SMPDL3A: variants seen among roughly 807,000 people sequenced by gnomAD.
The protein encoded by SMPDL3A is cyclic GMP-AMP phosphodiesterase SMPDL3A.
In SMPDL3A, 39 loss-of-function variants were observed where a neutral mutation model predicts 38.5. The observed-to-expected ratio is 1.01, with a 90% confidence interval of 0.78 to 1.32. The LOEUF is 1.32. Among genes scored for constraint, SMPDL3A ranks in the 40% most tolerant of loss-of-function variants. The probability of loss-of-function intolerance (pLI) is 0.00; values close to 1 mark genes in which losing one functional copy is unlikely to be tolerated. For missense variants in SMPDL3A, 502 were observed against 536.2 expected (o/e 0.94, Z 0.63); for synonymous variants, 180 against 194.3 (o/e 0.93, Z 0.61).
intron 2 of SMPDL3A, among the ~76,000 whole-genome samples, chr6:122,796,141 T>G (rs1375611176): frequency 1.3e-5 from 2 of 152,164 alleles, no homozygotes; most frequent in Non-Finnish European, 2.9e-5. Flanking sequence ...CACACTTGCA[T>G]CAATATCTTG....
At chr6:122,801,448 T>A in intron 4 of SMPDL3A, 42 bp downstream of exon 4, 1 of 1,343,848 alleles carries the variant, frequency 7.4e-7, no homozygotes. Context: ...CCTCAATTTT[T>A]ATTCATGTTA....
intron 3 of SMPDL3A, among the ~76,000 whole-genome samples, chr6:122,800,725 C>G (rs892173143): frequency 5.7e-5 from 3 of 52,338 alleles, no homozygotes; most frequent in African/African-American, 1.3e-4. Context: ...ATTCCCTGGG[C>G]TACACCTTTT....
chr6:122,799,961 C>CT (rs112956534), intron 3 of SMPDL3A, among the ~76,000 whole-genome samples: 4,712 of 124,510 alleles, frequency 0.038, 130 homozygotes, highest in Non-Finnish European at 0.047. Flanking sequence ...TCAGTATTTA[C>CT]TTTTTTTTTT....
intron 2 of SMPDL3A, 146 bp downstream of exon 2, chr6:122,796,036 T>C: frequency 1.5e-6 from 1 of 646,078 alleles, no homozygotes; most frequent in Non-Finnish European, 2.6e-6. Context: ...CTAATCAACA[T>C]TATTAGAGGT....
In SMPDL3A at chr6:122,806,439, G is replaced by C. The variant is rs1248147765; in HGVS notation, c.1044+82G>C. 3.6e-6 allele frequency: 5 copies of C among 1,385,486 alleles called. No homozygotes were observed. In the African/African-American group the frequency reaches 7.2e-5, roughly 20 times the overall value. The allele number at this position is 1,385,486 out of a possible 1,614,324, so 85.8% of individuals were successfully genotyped here. On this transcript the variant is annotated intron_variant, in intron 7 of 7. Transcript: ENST00000368440. ...ATTAATTTAGTTGAATTTTTCTCAG[G>C]ACAGTCATGTGAGATGTATTTTATG...
At chr6:122,806,416 T>C in intron 7 of SMPDL3A, 59 bp downstream of exon 7, 1 of 1,517,440 alleles carries the variant, frequency 6.6e-7, no homozygotes. Flanking sequence ...CAGTTTTCAT[T>C]AATTTAGTTG....
At chr6:122,790,609 C>T (rs1781047498) in intron 1 of SMPDL3A, among the ~76,000 whole-genome samples, 1 of 152,208 alleles carries the variant, frequency 6.6e-6, no homozygotes, top group South Asian at 2.1e-4. Flanking sequence ...CCTCACGACT[C>T]AGCTGTCAGG....
intron 6 of SMPDL3A, 143 bp from the exon 7 acceptor site, chr6:122,806,089 TA>T: frequency 1.7e-6 from 1 of 574,620 alleles, no homozygotes; most frequent in Non-Finnish European, 2.8e-6. Flanking sequence ...ATTGTCTCTT[TA>T]CAGTTGTTTC....
At chr6:122,802,599 T>C (rs1781463650) in intron 4 of SMPDL3A, among the ~76,000 whole-genome samples, 1 of 152,110 alleles carries the variant, frequency 6.6e-6, no homozygotes. Context: ...CCTAAAGAAA[T>C]GCTCTGCCTT....
rs1489526823 is a variant in SMPDL3A, at chr6:122,809,330, G to C, written c.1284G>C (p.Gln428His). ...GTGATAAGACATGTAAGGCCTTTCA[G>C]ATTTGTGCAATTATGAATCTTGATA... is the stretch of plus-strand genomic sequence containing the variant. ...VTCDKTCKAF[Q>H]ICAIMNLDNI... Residue 428 changes from glutamine to histidine, a missense_variant, in exon 8 of 8, where the codon CAG (glutamine) becomes CAC (histidine). By Grantham distance (24) the Gln-to-His change is conservative. Transcript: ENST00000368440. 6.2e-7 allele frequency: 1 copy of C among 1,613,982 alleles called. No homozygotes were observed. Among genetic ancestry groups the C allele is most frequent in the Admixed American group, 1.7e-5 (1 of 60,022 alleles).
At chr6:122,794,906 C>T (rs1472775720) in intron 1 of SMPDL3A, among the ~76,000 whole-genome samples, 1 of 152,182 alleles carries the variant, frequency 6.6e-6, no homozygotes, top group Non-Finnish European at 1.5e-5. Context: ...GTTCTGCAGT[C>T]TACCTACTCA....
chr6:122,799,128 G>C (rs941702526), intron 3 of SMPDL3A, among the ~76,000 whole-genome samples: 1 of 152,140 alleles, frequency 6.6e-6, no homozygotes, highest in Admixed American at 6.5e-5. Flanking sequence ...ATATACAGAT[G>C]CATGTCCCCA....
At chr6:122,793,457 C>T (rs935011202) in intron 1 of SMPDL3A, among the ~76,000 whole-genome samples, 6 of 152,160 alleles carry the variant, frequency 3.9e-5, no homozygotes, top group African/African-American at 1.4e-4. Flanking sequence ...CCCTTACATT[C>T]TCGAAATAAT....
intron 6 of SMPDL3A, among the ~76,000 whole-genome samples, chr6:122,805,537 A>G (rs1245566189): frequency 6.6e-6 from 1 of 152,230 alleles, no homozygotes; most frequent in Non-Finnish European, 1.5e-5. Context: ...GCAAGTTCTT[A>G]TTGATACATA....
intron 1 of SMPDL3A, among the ~76,000 whole-genome samples, chr6:122,791,739 G>C (rs1781082886): frequency 1.3e-5 from 2 of 151,988 alleles, no homozygotes; most frequent in South Asian, 4.2e-4. Context: ...TGTCACCCAG[G>C]CTGGACTGCA....
intron 2 of SMPDL3A, 34 bp downstream of exon 2, chr6:122,795,924 A>G: frequency 6.9e-7 from 1 of 1,439,544 alleles, no homozygotes. Context: ...TAATTACTCA[A>G]TATTTATTTA....
chr6:122,791,335 G>A (rs12524772), intron 1 of SMPDL3A, among the ~76,000 whole-genome samples: 3,713 of 152,210 alleles, frequency 0.024, 299 homozygotes, highest in Admixed American at 0.17. Context: ...AACTAAATAC[G>A]GCCTGAGAAG....
At chr6:122,805,496 G>T (rs951818197) in intron 6 of SMPDL3A, among the ~76,000 whole-genome samples, 3 of 152,052 alleles carry the variant, frequency 2.0e-5, no homozygotes, top group African/African-American at 7.2e-5. Flanking sequence ...TTACACAACG[G>T]CTTAAAATAA....
At chr6:122,808,609 C>CCCTTCCTTCCTTCCTTCCTT (rs1194682012) in intron 7 of SMPDL3A, among the ~76,000 whole-genome samples, 10 of 44,374 alleles carry the variant, frequency 2.3e-4, no homozygotes, top group African/African-American at 7.9e-4. Context: ...CTCCCTCCCT[C>CCCTTCCTTCCTTCCTTCCTT]CCTTCCTTCC....
Sources: allele counts gnomAD v4.1 joint callset (sites outside exome capture counted in the v4.1 genomes callset), GRCh38; gene constraint gnomAD v4.1.1; transcripts MANE v1.5; gene names NCBI Gene and HGNC (gene_info 2026-07-23, HGNC 2026-07-21).